Variants in QRICH2 observed in about 807,000 individuals in gnomAD.
QRICH2 encodes the protein glutamine-rich protein 2.
In QRICH2, 119 loss-of-function variants were observed where a neutral mutation model predicts 168.3. That is an observed-to-expected ratio of 0.71 (90% CI 0.61 to 0.82). QRICH2 has a LOEUF of 0.82. QRICH2 is among the 40% of genes least tolerant of loss of function. QRICH2 has a pLI of 0.00. For missense variants in QRICH2, 2,241 were observed against 2,491.6 expected (o/e 0.90, Z 2.14); for synonymous variants, 894 against 951.2 (o/e 0.94, Z 1.11).
intron 1 of QRICH2, 86 bp from the exon 2 acceptor site, chr17:76,305,027 A>T: frequency 1.2e-6 from 1 of 819,368 alleles, no homozygotes; most frequent in South Asian, 1.5e-5. Context: ...GCGCACACAC[A>T]CTCTCACACT....
chr17:76,281,904 G>A lies in QRICH2; in HGVS notation c.4223C>T (p.Ala1408Val), dbSNP rs376555635. 1.9e-6 allele frequency: 3 copies of A among 1,613,588 alleles called. No individual in the cohort carries two copies. The highest frequency in any genetic ancestry group is 2.2e-5 in the East Asian group (1 of 44,878). Residue 1408 changes from alanine (A) to valine (V), a missense_variant, in exon 8 of 19, where the codon GCC becomes GTC. Physicochemically the swap from Ala to Val is moderately conservative, Grantham distance 64. Coordinates refer to ENST00000680821, the MANE Select transcript of QRICH2 (RefSeq NM_001388453.1). This position sits in a 1 kb window ranked among gnomAD's most constrained non-coding sequence, Gnocchi z 4.4. ...GGCCTTCTTGGAGGGTCGGGAGACG[G>A]CCAGGCTGTTGACCATGTCTTGGAG... Reference protein sequence around the residue: ...EQLQDMVNSLAVSRPSKKAKL... With the variant: ...EQLQDMVNSLVVSRPSKKAKL...
At chr17:76,276,270 G>A (rs2070677557) in intron 17 of QRICH2, among the ~76,000 whole-genome samples, 1 of 152,192 alleles carries the variant, frequency 6.6e-6, no homozygotes, top group Admixed American at 6.5e-5. Flanking sequence ...ATGCATGATG[G>A]GAAGTGACAA....
Position 76,292,546 on chromosome 17 carries a change from C to T in QRICH2, c.2181G>A (p.Gln727=), listed in dbSNP as rs535027398. The part of the protein sequence containing the change: ...QSDLAQPGAV[Q]HGLVQPGVDQ... The stretch of plus-strand genomic sequence containing the variant: ...CTACTCCAGGTTGGACCAAACCATG[C>T]TGAACTGCACCAGGTTGAGCCAAAT... The change falls in exon 4 of 19, where the codon CAG becomes CAA. Residue 727 remains glutamine, a synonymous_variant. Coordinates refer to ENST00000680821, the MANE Select transcript of QRICH2 (RefSeq NM_001388453.1). 6.2e-7 allele frequency: 1 copy of T among 1,613,930 alleles called. No individual in the cohort carries two copies. The highest frequency in any genetic ancestry group is 8.5e-7 in the Non-Finnish European group (1 of 1,179,934).
In QRICH2 at chr17:76,287,841, T is replaced by C. The variant is rs767251400; in HGVS notation, c.3855A>G (p.Glu1285=). The C allele has an allele frequency of 1.2e-6, 2 of 1,614,080 alleles. No homozygotes were observed. The highest frequency in any genetic ancestry group is 2.2e-5 in the South Asian group (2 of 91,080). ...GCAATCTCAGCTCTCCAGCTTTCAG[T>C]TCCTTCCCTGCTTCTTGATTCCCTT... ...EGEGNQEAGK[E]LKAGELRLQL... is the part of the protein sequence containing the mutation. Residue 1285 remains glutamate, a synonymous_variant, in exon 6 of 19, where the codon GAA becomes GAG. Transcript: ENST00000680821.
In QRICH2 at chr17:76,286,170, G is replaced by A. The variant is rs544770396; in HGVS notation, c.4011+1022C>T. On this transcript the variant is annotated intron_variant, in intron 7 of 18. Transcript: ENST00000680821. ...AGCCTAGGCGAGAGAGCAAGACTCC[G>A]TCTCAAAAAAAAAAAATGTATACAT... Among the ~76,000 whole-genome samples the A allele has an allele frequency of 3.3e-4, 42 of 127,136 alleles. 2 individuals are homozygous for A. Among genetic ancestry groups the A allele is most frequent in the African/African-American group, 1.4e-3 (38 of 27,530 alleles). 83.4% of individuals were successfully genotyped at this position (127,136 alleles called of 152,430 possible).
rs367825841 is a variant in QRICH2 at position 76,277,270 on chromosome 17, G to C, written c.5158C>G (p.Arg1720Gly). 16 of 1,602,734 alleles carry C rather than the reference G, an allele frequency of 1.0e-5. No individual in the cohort carries two copies. The highest frequency in any genetic ancestry group is 3.6e-5 in the Admixed American group (2 of 56,164). The change falls in exon 16 of 19, where the codon CGG (arginine) becomes GGG (glycine). Residue 1720 changes from arginine (R) to glycine (G), a missense_variant. Physicochemically the swap from Arg to Gly is moderately radical, Grantham distance 125 (BLOSUM62 -2). Coordinates refer to ENST00000680821, the MANE Select transcript of QRICH2 (RefSeq NM_001388453.1). ...MADYTYSTVP[R>G]RCGGSHTLTY... The stretch of plus-strand genomic sequence containing the variant: ...AGGGTGTGGCTGCCCCCGCAGCGCC[G>C]GGGCACAGTTGAGTAGGTGTAATCA...
Position 76,307,456 on chromosome 17 carries a change from C to T in QRICH2, c.534+9G>A, listed in dbSNP as rs751664736. 1.7e-5 allele frequency: 27 copies of T among 1,613,390 alleles called. No homozygotes were observed. In the Admixed American group the frequency reaches 4.2e-4, roughly 25 times the overall value. The stretch of plus-strand genomic sequence containing the variant: ...GACGGCCTGCGCGTGCCTCCGTGTG[C>T]GTGCTCACCCTGGCAAAGCTGAGCT... On this transcript the variant is annotated intron_variant, in intron 1 of 18. Transcript: ENST00000680821. The surrounding 1 kb of genome is among the most constrained non-coding windows in gnomAD (Gnocchi z 5.3).
chr17:76,284,907 G>A (rs552429302), intron 7 of QRICH2, among the ~76,000 whole-genome samples: 80 of 150,486 alleles, frequency 5.3e-4, no homozygotes, highest in African/African-American at 1.7e-3. Flanking sequence ...CTAGGGAAAC[G>A]CACATCAAAA....
chr17:76,309,724 T>C (rs192015803), upstream of QRICH2: 1 of 152,338 alleles, frequency 6.6e-6, no homozygotes, highest in Admixed American at 6.5e-5. Flanking sequence ...TCATCCAGGA[T>C]GTGCATAGCT....
rs1568103324 is a variant in QRICH2 at position 76,277,217 on chromosome 17, C to CA, written c.5210_5211insT (p.Gln1738AlafsTer11). 13 of 1,603,056 alleles carry CA rather than the reference C, an allele frequency of 8.1e-6. No individual in the cohort carries two copies. In the Admixed American group the frequency reaches 8.9e-5, roughly 11 times the overall value. On this transcript the variant is annotated frameshift_variant, in exon 16 of 19. Transcript: ENST00000680821. LOFTEE classifies it high-confidence loss of function. ...GATACAGGCCCCGGGGAAGGTGCTG[C>CA]GGGCGGCTGCGGTGGTAGGGGTAGG...
chr17:76,274,827 C>T (rs1478677767), intron 18 of QRICH2, among the ~76,000 whole-genome samples: 1 of 152,210 alleles, frequency 6.6e-6, no homozygotes, highest in African/African-American at 2.4e-5. Flanking sequence ...CAAGGACCTT[C>T]ACCTCTCTGT....
At chr17:76,301,703 ATT>A (rs370779519) in intron 3 of QRICH2, among the ~76,000 whole-genome samples, 14 of 121,724 alleles carry the variant, frequency 1.2e-4, no homozygotes, top group East Asian at 2.6e-4. Flanking sequence ...GTGTTTTATA[ATT>A]TTTTTTTTTT....
Position 76,292,756 on chromosome 17 carries a change from C to G in QRICH2, c.1971G>C (p.Gln657His), listed in dbSNP as rs1276840728. The G allele has an allele frequency of 1.2e-6, 2 of 1,613,092 alleles. No homozygotes were observed. The change falls in exon 4 of 19, where the codon CAG becomes CAC. Residue 657 changes from glutamine to histidine, a missense_variant. Physicochemically the swap from Gln to His is conservative, Grantham distance 24. This residue lies in a region of QRICH2 where 2,047 missense variants were observed against 2,303.8 expected (regional missense o/e 0.89). Coordinates refer to ENST00000680821, the MANE Select transcript of QRICH2 (RefSeq NM_001388453.1). ...CTACACCAGGCTGTACCAAGACACC[C>G]TGACCTGTGCCAGATTGGACCAAAT... ...QHDLVQSGTG[Q>H]GVLVQPGVDQ...
At chr17:76,306,942 G>C (rs942938311) in intron 1 of QRICH2, among the ~76,000 whole-genome samples, 2 of 151,410 alleles carry the variant, frequency 1.3e-5, no homozygotes, top group Non-Finnish European at 2.9e-5. Context: ...CTTGTGTCAT[G>C]GCCATAGGAA....
rs1438183967 is a variant in QRICH2 at position 76,292,641 on chromosome 17, C to A, written c.2086G>T (p.Asp696Tyr). 3 of 1,613,940 alleles carry A rather than the reference C, an allele frequency of 1.9e-6. No individual in the cohort carries two copies. Among genetic ancestry groups the A allele is most frequent in the Non-Finnish European group, 2.5e-6 (3 of 1,180,036 alleles). The change falls in exon 4 of 19, where the codon GAT (aspartate) becomes TAT (tyrosine). Residue 696 changes from aspartate (D) to tyrosine (Y), a missense_variant. By Grantham distance (160) the Asp-to-Tyr change is radical (BLOSUM62 -3). Transcript: ENST00000680821. ...YQPGLVQPGA[D>Y]QIDVVQPGAD... ...CCAGGTTGCACCACATCAATCTGATCTGCACCAGGTTGGACCAAGCCAGGC... is the reference window on the plus strand; with the variant it reads ...CCAGGTTGCACCACATCAATCTGATATGCACCAGGTTGGACCAAGCCAGGC...
rs781512290 is a variant in QRICH2 at position 76,282,082 on chromosome 17, G to C, written c.4045C>G (p.Leu1349Val). The change falls in exon 8 of 19, where the codon CTG becomes GTG. Residue 1349 changes from leucine (L) to valine (V), a missense_variant. Leu to Val is a conservative substitution (Grantham distance 32). This residue lies in a region of QRICH2 where 2,047 missense variants were observed against 2,303.8 expected (regional missense o/e 0.89). Coordinates refer to ENST00000680821, the MANE Select transcript of QRICH2 (RefSeq NM_001388453.1). ...GACAGGAGCGTGGAGGAGGAGGTCA[G>C]CATGCTCTCAATGATCATCCTGAGC... ...DKLRMIIESM[L>V]TSSSTLLSMS... 6.2e-7 allele frequency: 1 copy of C among 1,610,146 alleles called. No homozygotes were observed. Among genetic ancestry groups the C allele is most frequent in the South Asian group, 1.1e-5 (1 of 90,962 alleles).
upstream of QRICH2, among the ~76,000 whole-genome samples, chr17:76,308,747 AT>A (rs371845048): frequency 2.9e-4 from 43 of 149,840 alleles, no homozygotes; most frequent in African/African-American, 8.8e-4. Flanking sequence ...TGCTGCCATA[AT>A]TTTTTTTTTA....
At chr17:76,274,738 C>T (rs776912510) in intron 18 of QRICH2, among the ~76,000 whole-genome samples, 2 of 152,188 alleles carry the variant, frequency 1.3e-5, no homozygotes, top group Non-Finnish European at 2.9e-5. Flanking sequence ...TGAGACCTGC[C>T]GTTCCCAGCA....
intron 7 of QRICH2, among the ~76,000 whole-genome samples, chr17:76,285,067 A>G (rs9889927): frequency 0.41 from 60,917 of 149,542 alleles, 12,548 homozygotes; most frequent in East Asian, 0.59. Context: ...TGATTCTCCT[A>G]CCTCAGCCTC....
Sources: allele counts gnomAD v4.1 joint callset (sites outside exome capture counted in the v4.1 genomes callset), GRCh38; gene constraint gnomAD v4.1.1; regional missense constraint gnomAD v4.1.1; non-coding constraint Gnocchi (gnomAD v3.1); transcripts MANE v1.5; gene names NCBI Gene and HGNC (gene_info 2026-07-23, HGNC 2026-07-21).